The following CNNM2 variants were observed in gnomAD, a reference collection of about 807,000 sequenced individuals.
CNNM2 encodes metal transporter CNNM2.
In CNNM2, 12 loss-of-function variants were observed where a neutral mutation model predicts 66.9. The ratio of observed to expected loss-of-function variants is 0.18; its 90% confidence interval spans 0.11 to 0.29. The LOEUF is 0.29. Ranked by LOEUF, CNNM2 falls within the 10% of genes least tolerant of loss-of-function variation. The pLI, the probability that CNNM2 is intolerant of heterozygous loss-of-function variation, is 1.00. For missense variants in CNNM2, 705 were observed against 1,167.7 expected, an observed-to-expected ratio of 0.60 and a Z score of 5.77; for synonymous variants, 557 against 501.8, an observed-to-expected ratio of 1.11 and a Z score of -1.47.
In CNNM2 at chr10:103,082,894, G is replaced by A. The variant is rs557334738; in HGVS notation, c.*5714G>A. 2.6e-5 allele frequency: 4 copies of A among 152,288 alleles called. No homozygotes were observed. Among genetic ancestry groups the A allele is most frequent in the Admixed American group, 2.0e-4 (3 of 15,312 alleles). The allele number at this position is 152,288 out of a possible 1,614,324, so 9.4% of individuals were successfully genotyped here. On this transcript the variant is annotated 3_prime_UTR_variant, in exon 8 of 8. Transcript: ENST00000369878. ...GGGTACAGTACAGCTGTGAGTCCAC[G>A]GCCTCCCTCCTCCCAAGGCAGGTCA...
chr10:103,038,201 A>G (rs1015613119), intron 1 of CNNM2, among the ~76,000 whole-genome samples: 3 of 152,152 alleles, frequency 2.0e-5, no homozygotes, highest in Non-Finnish European at 4.4e-5. Context: ...CTTGAGGGTA[A>G]CCATACCTTT....
Position 103,049,034 on chromosome 10 carries a change from C to T in CNNM2, c.1622-673C>T, listed in dbSNP as rs142231162. Among the ~76,000 whole-genome samples, 166 of 152,254 alleles carry T rather than the reference C, an allele frequency of 1.1e-3. 1 individual carries two copies. The highest frequency in any genetic ancestry group is 3.9e-3 in the African/African-American group (163 of 41,550). ...TTTTCTGTTTATTTTTTTGTAGAGACAGGATCTCACTGTGTTGCCTAGGCT... is the reference window on the plus strand; with the variant it reads ...TTTTCTGTTTATTTTTTTGTAGAGATAGGATCTCACTGTGTTGCCTAGGCT... On this transcript the variant is annotated intron_variant, in intron 1 of 7. Coordinates refer to ENST00000369878, the MANE Select transcript of CNNM2 (RefSeq NM_017649.5).
At chr10:102,962,979 AT>A (rs1214070320) in intron 1 of CNNM2, among the ~76,000 whole-genome samples, 5 of 152,148 alleles carry the variant, frequency 3.3e-5, no homozygotes, top group African/African-American at 9.7e-5. Flanking sequence ...TGGAAAAACT[AT>A]TACTAGGAGC....
intron 1 of CNNM2, among the ~76,000 whole-genome samples, chr10:102,920,782 A>G (rs1214039515): frequency 6.6e-6 from 1 of 152,186 alleles, no homozygotes; most frequent in East Asian, 1.9e-4. Flanking sequence ...AGTTATTAAT[A>G]TGTAACTTGG....
In CNNM2 at chr10:103,056,897, A is replaced by G. The variant is rs2065304564; in HGVS notation, c.2006A>G (p.Lys669Arg). The change falls in exon 4 of 8, where the codon AAG (lysine) becomes AGG (arginine). Residue 669 changes from lysine (K) to arginine (R), a missense_variant. Transcript: ENST00000369878. ...GAACTGAAATATGATGAGAAGAACA[A>G]GAAAGCCCCCGAATACTACCTCTAC... Reference protein sequence around the residue: ...IQELKYDEKNKKAPEYYLYQR... With the variant: ...IQELKYDEKNRKAPEYYLYQR... 1.9e-6 allele frequency: 3 copies of G among 1,613,880 alleles called. No individual in the cohort carries two copies. The highest frequency in any genetic ancestry group is 2.5e-6 in the Non-Finnish European group (3 of 1,179,896).
chr10:103,000,408 A>G, intron 1 of CNNM2, among the ~76,000 whole-genome samples: 1 of 151,870 alleles, frequency 6.6e-6, no homozygotes, highest in Non-Finnish European at 1.5e-5. Flanking sequence ...TCTTGAAGAG[A>G]TATTTGTACA....
At chr10:102,980,756 C>G (rs2063707220) in intron 1 of CNNM2, among the ~76,000 whole-genome samples, 1 of 152,164 alleles carries the variant, frequency 6.6e-6, no homozygotes, top group Non-Finnish European at 1.5e-5. Flanking sequence ...TCATCTTAAA[C>G]CAATGTGTTC....
At chr10:103,014,676 G>GT (rs1481200939) in intron 1 of CNNM2, among the ~76,000 whole-genome samples, 1 of 152,108 alleles carries the variant, frequency 6.6e-6, no homozygotes, top group African/African-American at 2.4e-5. Context: ...CTATTTGCTT[G>GT]TTTTTTGACT....
In CNNM2 at chr10:103,077,460, CT is replaced by C; in HGVS notation, c.*284del. 2.3e-6 allele frequency: 1 copy of C among 431,708 alleles called. No homozygotes were observed. Among genetic ancestry groups the C allele is most frequent in the Non-Finnish European group, 4.2e-6 (1 of 238,832 alleles). 26.7% of individuals were successfully genotyped at this position (431,708 alleles called of 1,614,324 possible). A position where few individuals can be genotyped will look rare whatever the true frequency, so the allele number is the denominator to read the frequency against. On this transcript the variant is annotated 3_prime_UTR_variant, in exon 8 of 8. Transcript: ENST00000369878. ...ATCATGTTTATTTTTTCAGCTCTCC[CT>C]TTTATCATTATTCACACTCCTCTGC...
chr10:102,920,233 A>G (rs1426643478), intron 1 of CNNM2, 132 bp downstream of exon 1: 3 of 1,579,446 alleles, frequency 1.9e-6, no homozygotes, highest in African/African-American at 1.3e-5. Flanking sequence ...TCTTAATTGC[A>G]AAGTTGAAAG....
At chr10:102,920,184 AC>A (rs1845568830) in intron 1 of CNNM2, 83 bp downstream of exon 1, 2 of 1,610,180 alleles carry the variant, frequency 1.2e-6, no homozygotes, top group Non-Finnish European at 1.7e-6. Context: ...CCTCAGACCA[AC>A]CCCCCAAGGC....
Position 102,918,479 on chromosome 10 carries a change from C to T in CNNM2, c.-2C>T. On this transcript the variant is annotated 5_prime_UTR_variant, in exon 1 of 8. Coordinates refer to ENST00000369878, the MANE Select transcript of CNNM2 (RefSeq NM_017649.5). This position sits in a 1 kb window ranked among gnomAD's most constrained non-coding sequence, Gnocchi z 4.1. The stretch of plus-strand genomic sequence containing the variant: ...TGAAGCCGCAGCTGGAGCAGCCACC[C>T]TATGATTGGCTGTGGCGCTTGTGAA... 1.2e-6 allele frequency: 2 copies of T among 1,605,448 alleles called. No homozygotes were observed. The highest frequency in any genetic ancestry group is 1.7e-6 in the Non-Finnish European group (2 of 1,177,834).
chr10:102,940,660 C>T lies in CNNM2; in HGVS notation c.1621+20559C>T, dbSNP rs978777894. ...GTCTTGATCTCCTGACCTCGTGATC[C>T]GCCCTCCTTGGCCTCCTAAAGTGCT... On this transcript the variant is annotated intron_variant, in intron 1 of 7. Coordinates refer to ENST00000369878, the MANE Select transcript of CNNM2 (RefSeq NM_017649.5). 1.2e-4 allele frequency among the ~76,000 whole-genome samples: 18 copies of T among 150,212 alleles called. No individual in the cohort carries two copies. Among genetic ancestry groups the T allele is most frequent in the Admixed American group, 2.7e-4 (4 of 15,046 alleles).
At chr10:103,034,305 C>T (rs1475443109) in intron 1 of CNNM2, among the ~76,000 whole-genome samples, 3 of 148,712 alleles carry the variant, frequency 2.0e-5, no homozygotes, top group Admixed American at 6.7e-5. Context: ...GGGTTAAGGT[C>T]TGTCTTTCTT....
intron 1 of CNNM2, among the ~76,000 whole-genome samples, chr10:103,045,060 A>T (rs2065105144): frequency 6.6e-6 from 1 of 152,168 alleles, no homozygotes; most frequent in Non-Finnish European, 1.5e-5. Context: ...TGCTTTGGAA[A>T]ATTCCTTTTA....
At chr10:102,932,916 C>CA (rs71019636) in intron 1 of CNNM2, among the ~76,000 whole-genome samples, 2,365 of 70,040 alleles carry the variant, frequency 0.034, 30 homozygotes, top group African/African-American at 0.041. Context: ...GACTCTGTCT[C>CA]AAAAAAAAAA....
At chr10:103,055,981 G>A (rs1029315933) in intron 3 of CNNM2, among the ~76,000 whole-genome samples, 4 of 151,980 alleles carry the variant, frequency 2.6e-5, no homozygotes, top group South Asian at 2.1e-4. Context: ...CCAGTTACTC[G>A]GGAGGCTGAG....
At chr10:103,052,511 T>C (rs893197006) in intron 2 of CNNM2, among the ~76,000 whole-genome samples, 1 of 128,218 alleles carries the variant, frequency 7.8e-6, no homozygotes, top group Admixed American at 8.0e-5. Flanking sequence ...TGGTTTCAGG[T>C]TTTTTTCTTT....
intron 1 of CNNM2, among the ~76,000 whole-genome samples, chr10:102,922,314 C>T (rs1046789924): frequency 7.0e-6 from 1 of 142,942 alleles, no homozygotes. Flanking sequence ...ATTTTTTCAC[C>T]TTCCCTTTCT....
Sources: allele counts gnomAD v4.1 joint callset (sites outside exome capture counted in the v4.1 genomes callset), GRCh38; gene constraint gnomAD v4.1.1; non-coding constraint Gnocchi (gnomAD v3.1); transcripts MANE v1.5; gene names NCBI Gene and HGNC (gene_info 2026-07-23, HGNC 2026-07-21).